UGT1A7: variants seen among roughly 807,000 people sequenced by gnomAD.
UGT1A7 encodes the protein UDP-glucuronosyltransferase 1A7.
UGT1A7 carries 33 observed loss-of-function variants against 45.6 expected under a neutral mutation model. The ratio of observed to expected loss-of-function variants is 0.72; its 90% CI spans 0.55 to 0.97. UGT1A7 has a LOEUF of 0.97. UGT1A7 is among the 50% of genes least tolerant of loss of function. The probability of loss-of-function intolerance (pLI) is 0.00; values close to 1 mark genes in which losing one functional copy is unlikely to be tolerated. For synonymous variants in UGT1A7, 274 were observed against 250.6 expected (o/e 1.09, Z -0.88); for missense variants, 684 against 666.2 (o/e 1.03, Z -0.29).
chr2:233,737,724 T>C (rs2078915957), intron 1 of UGT1A7, among the ~76,000 whole-genome samples: 1 of 152,142 alleles, frequency 6.6e-6, no homozygotes, highest in South Asian at 2.1e-4. Flanking sequence ...ACACCTCCTT[T>C]TTTTTTCCTT....
intron 1 of UGT1A7, chr2:233,748,139 A>G: frequency 1.2e-6 from 2 of 1,608,528 alleles, no homozygotes. Context: ...TAAAAATTGT[A>G]TTTACTTACA....
At chr2:233,690,491 C>G in intron 1 of UGT1A7, 2 of 1,289,678 alleles carry the variant, frequency 1.6e-6, no homozygotes, top group South Asian at 2.5e-5. Context: ...GAAATCTGCT[C>G]TTGCCAACAG....
At chr2:233,717,191 C>T (rs1575515961) in intron 1 of UGT1A7, among the ~76,000 whole-genome samples, 1 of 152,208 alleles carries the variant, frequency 6.6e-6, no homozygotes, top group Non-Finnish European at 1.5e-5. Context: ...CCCTCCCAGG[C>T]ATGTTCCACC....
At chr2:233,698,914 C>T (rs12471030) in intron 1 of UGT1A7, among the ~76,000 whole-genome samples, 26,852 of 152,182 alleles carry the variant, frequency 0.18, 2,658 homozygotes, top group Non-Finnish European at 0.23. Flanking sequence ...CAAGGAGGGA[C>T]GTGGCCGTCT....
intron 1 of UGT1A7, among the ~76,000 whole-genome samples, chr2:233,738,047 C>A (rs1690670574): frequency 6.6e-6 from 1 of 152,068 alleles, no homozygotes; most frequent in Admixed American, 6.6e-5. Flanking sequence ...GTGTTGAGGA[C>A]AGGACATGGT....
At chr2:233,741,466 G>C (rs577572519) in intron 1 of UGT1A7, 1 of 149,788 alleles carries the variant, frequency 6.7e-6, no homozygotes, top group Non-Finnish European at 1.5e-5. Flanking sequence ...CTTCACACAT[G>C]TAAGTTCCCT....
Position 233,702,529 on chromosome 2 carries a change from C to T in UGT1A7, c.855+19737C>T, listed in dbSNP as rs1333011305. ...AGAAGTGGAAAGAGGAGATTCTTAT[C>T]TTGTTCCTGATCTTAGGTGGGGAAG... On this transcript the variant is annotated intron_variant, in intron 1 of 4. Coordinates refer to ENST00000373426, the MANE Select transcript of UGT1A7 (RefSeq NM_019077.3). Among the ~76,000 whole-genome samples, 10 of 152,248 alleles carry T rather than the reference C, an allele frequency of 6.6e-5. No individual in the cohort carries two copies. The East Asian group carries it at 9.6e-4, about 15-fold the overall frequency.
chr2:233,708,034 TAG>T (rs150546189), intron 1 of UGT1A7, among the ~76,000 whole-genome samples: 4,103 of 152,336 alleles, frequency 0.027, 87 homozygotes, highest in African/African-American at 0.046. Context: ...TTGGCAGTTA[TAG>T]ATATTGCAAA....
chr2:233,716,338 G>C (rs561710355), intron 1 of UGT1A7, among the ~76,000 whole-genome samples: 1 of 152,144 alleles, frequency 6.6e-6, no homozygotes. Context: ...CCAGGTTTGC[G>C]CAACTACAAT....
At chr2:233,738,051 A>T (rs1690672255) in intron 1 of UGT1A7, among the ~76,000 whole-genome samples, 1 of 152,154 alleles carries the variant, frequency 6.6e-6, no homozygotes, top group Admixed American at 6.5e-5. Context: ...TGAGGACAGG[A>T]CATGGTGGGA....
At chr2:233,724,443 C>A in intron 1 of UGT1A7, among the ~76,000 whole-genome samples, 1 of 122,836 alleles carries the variant, frequency 8.1e-6, no homozygotes, top group Non-Finnish European at 1.7e-5. Flanking sequence ...ACTTCTCAGA[C>A]AGGGCAGCTG....
intron 1 of UGT1A7, among the ~76,000 whole-genome samples, chr2:233,756,735 C>T (rs1015618945): frequency 7.9e-5 from 12 of 152,180 alleles, no homozygotes; most frequent in African/African-American, 2.6e-4. Context: ...GTTCTCTTCA[C>T]CTCCTCCTTA....
chr2:233,714,253 G>C (rs925570121), intron 1 of UGT1A7, among the ~76,000 whole-genome samples: 4 of 152,190 alleles, frequency 2.6e-5, no homozygotes, highest in African/African-American at 9.7e-5. Flanking sequence ...GGAAGGAATA[G>C]AAATTTACAA....
At chr2:233,729,094 G>A in intron 1 of UGT1A7, 1 of 1,612,652 alleles carries the variant, frequency 6.2e-7, no homozygotes, top group Non-Finnish European at 8.5e-7. Context: ...ACAGCGTGGG[G>A]TGGACAGTCA....
At chr2:233,737,874 C>A (rs1441437584) in intron 1 of UGT1A7, among the ~76,000 whole-genome samples, 1 of 152,148 alleles carries the variant, frequency 6.6e-6, no homozygotes, top group East Asian at 1.9e-4. Flanking sequence ...AAGAATTCCA[C>A]ATTAACAAAG....
At chr2:233,719,218 A>C (rs1197156994) in intron 1 of UGT1A7, 2 of 1,614,132 alleles carry the variant, frequency 1.2e-6, no homozygotes, top group Non-Finnish European at 1.7e-6. Context: ...GAGCTACTGC[A>C]TAATGAGGCC....
intron 2 of UGT1A7, 69 bp from the exon 3 acceptor site, chr2:233,767,780 G>C: frequency 1.2e-6 from 2 of 1,613,138 alleles, no homozygotes; most frequent in Non-Finnish European, 1.7e-6. Flanking sequence ...TTTCTAGTTA[G>C]TATAGCAGAT....
At chr2:233,686,635 G>A (rs945747256) in intron 1 of UGT1A7, among the ~76,000 whole-genome samples, 1 of 152,022 alleles carries the variant, frequency 6.6e-6, no homozygotes, top group Admixed American at 6.5e-5. Flanking sequence ...TCTTGATAAT[G>A]TGATATCAAA....
intron 1 of UGT1A7, chr2:233,744,014 C>A: frequency 9.4e-7 from 1 of 1,062,354 alleles, no homozygotes; most frequent in African/African-American, 1.7e-5. Flanking sequence ...CCTGGGCCGC[C>A]TGGAGAGACG....
Sources: gnomAD v4.1 joint callset for allele counts (sites outside exome capture counted in the v4.1 genomes callset) on GRCh38, gnomAD v4.1.1 for gene constraint, MANE v1.5 for transcripts, NCBI Gene and HGNC (gene_info 2026-07-23, HGNC 2026-07-21) for gene names.